Variants in CHST10 observed in about 807,000 individuals in gnomAD.
The protein encoded by CHST10 is HNK-1 sulfotransferase.
Under a neutral mutation model 34.7 loss-of-function variants are expected in CHST10, and 24 were observed. That is an observed-to-expected ratio of 0.69 (90% CI 0.50 to 0.97). CHST10 has a LOEUF of 0.97. CHST10 is among the 50% of genes least tolerant of loss of function. The probability of loss-of-function intolerance (pLI) is 0.00; values close to 1 mark genes in which losing one functional copy is unlikely to be tolerated. For synonymous variants in CHST10, 161 were observed against 169.3 expected (o/e 0.95, Z 0.38); for missense variants, 402 against 452.1 (o/e 0.89, Z 1.00).
intron 2 of CHST10, among the ~76,000 whole-genome samples, chr2:100,411,733 T>C (rs1675852070): frequency 6.6e-6 from 1 of 152,234 alleles, no homozygotes; most frequent in African/African-American, 2.4e-5. Flanking sequence ...TTCTTGTCCT[T>C]ACAGAGCTTG....
At chr2:100,410,547 G>A (rs1425666726) in intron 2 of CHST10, among the ~76,000 whole-genome samples, 1 of 152,186 alleles carries the variant, frequency 6.6e-6, no homozygotes, top group Non-Finnish European at 1.5e-5. Flanking sequence ...ATGTGGAAAG[G>A]TACTTCAGGA....
In CHST10 at chr2:100,392,943, C is replaced by T. The variant is rs895455360; in HGVS notation, c.*302G>A. ...GGCTCCTAACGCTGTGTGATGCTTC[C>T]TCCCTGCTGGGCTGTCAAACTGCAA... On this transcript the variant is annotated 3_prime_UTR_variant, in exon 7 of 7. Transcript: ENST00000264249. The T allele has an allele frequency of 1.9e-5, 7 of 372,892 alleles. No homozygotes were observed. In the Admixed American group the frequency reaches 2.4e-4, roughly 13 times the overall value. The allele number at this position is 372,892 out of a possible 1,614,324, so 23.1% of individuals were successfully genotyped here.
intron 3 of CHST10, among the ~76,000 whole-genome samples, chr2:100,403,903 C>T (rs1411725040): frequency 6.6e-6 from 1 of 152,226 alleles, no homozygotes; most frequent in Non-Finnish European, 1.5e-5. Flanking sequence ...GGCTCCGGGA[C>T]ACACTCTCTA....
chr2:100,400,238 G>A (rs1007874299), intron 4 of CHST10, among the ~76,000 whole-genome samples: 1 of 152,176 alleles, frequency 6.6e-6, no homozygotes, highest in Non-Finnish European at 1.5e-5. Flanking sequence ...AAGCATTAGA[G>A]ACAAAAATTC....
At chr2:100,397,719 AAACGAGCCCCACT>A (rs1326093859) in intron 5 of CHST10, among the ~76,000 whole-genome samples, 176 bp downstream of exon 5, 1 of 152,166 alleles carries the variant, frequency 6.6e-6, no homozygotes, top group Non-Finnish European at 1.5e-5. Context: ...ATCGGTGTCT[AAACGAGCCCCACT>A]AACTTGTAAG....
rs1054628194 is a variant in CHST10 at position 100,405,284 on chromosome 2, C to T, written c.100+1292G>A. ...TACCTGCAGGTGTAATATCACCTCC[C>T]GAGGCTGTGCAGACCTCACAGGTTT... On this transcript the variant is annotated intron_variant, in intron 3 of 6. Coordinates refer to ENST00000264249, the MANE Select transcript of CHST10 (RefSeq NM_004854.5). Among the ~76,000 whole-genome samples the T allele has an allele frequency of 3.9e-5, 6 of 152,308 alleles. No homozygotes were observed. In the South Asian group the frequency reaches 6.2e-4, roughly 16 times the overall value.
At chr2:100,417,327 G>C (rs1676109547) in intron 1 of CHST10, 47 bp downstream of exon 1, 1 of 348,278 alleles carries the variant, frequency 2.9e-6, no homozygotes, top group East Asian at 7.5e-5. Flanking sequence ...GGCGGGGAGA[G>C]GGGCCCAGGC....
At position 100,406,646 on chromosome 2, in the gene CHST10, T is replaced by G. The variant is rs759070805; in HGVS notation, c.30A>C (p.Ala10=). ...TGAACATGAAAATCACCCAAAAGCA[T>G]GCGGCCAGCAGAAGCCACTGGTGGT... is the stretch of plus-strand genomic sequence containing the variant. MHHQWLLLA[A]CFWVIFMFMV... Residue 10 remains alanine, a synonymous_variant, in exon 3 of 7, where the codon GCA becomes GCC. Coordinates refer to ENST00000264249, the MANE Select transcript of CHST10 (RefSeq NM_004854.5). The G allele has an allele frequency of 3.0e-5, 49 of 1,613,984 alleles. No homozygotes were observed. The highest frequency in any genetic ancestry group is 2.5e-6 in the Non-Finnish European group (3 of 1,180,030).
chr2:100,402,499 G>A (rs1022657155), intron 4 of CHST10, 65 bp downstream of exon 4: 1 of 1,357,148 alleles, frequency 7.4e-7, no homozygotes, highest in Non-Finnish European at 1.1e-6. Context: ...ACAGGGGAAG[G>A]CCAGCTCCCC....
At chr2:100,395,842 A>C (rs1261384908) in intron 5 of CHST10, among the ~76,000 whole-genome samples, 1 of 152,152 alleles carries the variant, frequency 6.6e-6, no homozygotes, top group Non-Finnish European at 1.5e-5. Context: ...GAGGAAACTG[A>C]TGATTTCAGG....
intron 3 of CHST10, among the ~76,000 whole-genome samples, chr2:100,404,616 A>C (rs1675491763): frequency 6.6e-6 from 1 of 152,214 alleles, no homozygotes; most frequent in Non-Finnish European, 1.5e-5. Context: ...CTACACTGAA[A>C]ACATTCAGCA....
In CHST10 at chr2:100,417,505, T is replaced by A. The variant is rs1354912188; in HGVS notation, c.-235A>T. 1 of 152,156 alleles carries A rather than the reference T, an allele frequency of 6.6e-6. No homozygotes were observed. The highest frequency in any genetic ancestry group is 2.4e-5 in the African/African-American group (1 of 41,400). The allele number at this position is 152,156 out of a possible 1,614,324, so 9.4% of individuals were successfully genotyped here. On this transcript the variant is annotated 5_prime_UTR_variant, in exon 1 of 7. In the 5' UTR this introduces an upstream ATG that the reference lacks. Coordinates refer to ENST00000264249, the MANE Select transcript of CHST10 (RefSeq NM_004854.5). ...GGGAGCTCGGGAGGCCCGCCCCACC[T>A]TGCCCCGAGGCCTCCGCGCCGCGGC...
intron 6 of CHST10, among the ~76,000 whole-genome samples, 171 bp downstream of exon 6, chr2:100,395,338 G>A (rs1197440597): frequency 6.6e-6 from 1 of 152,166 alleles, no homozygotes; most frequent in Non-Finnish European, 1.5e-5. Flanking sequence ...TGAGAGTTTT[G>A]AGGCGCCGAA....
At chr2:100,403,719 G>T (rs1306206214) in intron 3 of CHST10, among the ~76,000 whole-genome samples, 3 of 152,146 alleles carry the variant, frequency 2.0e-5, no homozygotes, top group Non-Finnish European at 4.4e-5. Flanking sequence ...TCCAGGAAAT[G>T]GAACTCCCCA....
In CHST10 at chr2:100,395,570, C is replaced by G. The variant is rs776607661; in HGVS notation, c.472G>C (p.Asp158His). The G allele has an allele frequency of 6.2e-7, 1 of 1,613,928 alleles. No individual in the cohort carries two copies. The highest frequency in any genetic ancestry group is 1.3e-5 in the African/African-American group (1 of 74,930). Residue 158 changes from aspartate to histidine, a missense_variant, in exon 6 of 7, where the codon GAC becomes CAC. By Grantham distance (81) the Asp-to-His change is moderately conservative. Coordinates refer to ENST00000264249, the MANE Select transcript of CHST10 (RefSeq NM_004854.5). The stretch of plus-strand genomic sequence containing the variant: ...CGAGGAAGGCCGTTCTTCTCGTGGT[C>G]GTGCACCACGTTTTCGGGGATCTCC... ...IEEIPENVVH[D>H]HEKNGLPRLS... is the part of the protein sequence containing the mutation.
At chr2:100,395,647 C>T in intron 5 of CHST10, 33 bp from the exon 6 acceptor site, 1 of 1,577,454 alleles carries the variant, frequency 6.3e-7, no homozygotes, top group Non-Finnish European at 8.7e-7. Flanking sequence ...GGCAGGTTGG[C>T]TGCTCCAGTA....
chr2:100,414,554 G>A (rs1244314969), intron 2 of CHST10, among the ~76,000 whole-genome samples: 1 of 152,132 alleles, frequency 6.6e-6, no homozygotes, highest in East Asian at 1.9e-4. Context: ...ACTCCATAAT[G>A]CAAAGTGTGG....
chr2:100,398,250 T>G, intron 4 of CHST10, 108 bp from the exon 5 acceptor site: 1 of 750,126 alleles, frequency 1.3e-6, no homozygotes. Context: ...ATCTGGAGCC[T>G]TCTCTTCTTC....
intron 1 of CHST10, among the ~76,000 whole-genome samples, chr2:100,416,025 T>C (rs1197926571): frequency 6.6e-6 from 1 of 152,192 alleles, no homozygotes; most frequent in Non-Finnish European, 1.5e-5. Flanking sequence ...AGAGTAAAAA[T>C]AAGGTAGTAT....
Sources: allele counts gnomAD v4.1 joint callset (sites outside exome capture counted in the v4.1 genomes callset), GRCh38; gene constraint gnomAD v4.1.1; transcripts MANE v1.5; gene names NCBI Gene and HGNC (gene_info 2026-07-23, HGNC 2026-07-21).